The following ZZEF1 variants were observed in gnomAD, a reference collection of about 807,000 sequenced individuals.
ZZEF1 encodes zinc finger ZZ-type and EF-hand domain-containing protein 1.
Under a neutral mutation model 342.8 loss-of-function variants are expected in ZZEF1, and 157 were observed. That is an observed-to-expected ratio of 0.46 (90% CI 0.40 to 0.52). The LOEUF is 0.52. Among genes scored for constraint, ZZEF1 ranks in the 20% least tolerant of loss-of-function variants. ZZEF1 has a pLI of 0.00. For synonymous variants in ZZEF1, 1,505 were observed against 1,429.1 expected (o/e 1.05, Z -1.20); for missense variants, 3,480 against 3,725.6 (o/e 0.93, Z 1.72).
chr17:4,045,210 T>G (rs1256371938), intron 37 of ZZEF1, among the ~76,000 whole-genome samples: 5 of 152,134 alleles, frequency 3.3e-5, no homozygotes, highest in Non-Finnish European at 7.4e-5. Context: ...CAAATGTCCC[T>G]CTGTCAGAGC....
At chr17:4,083,363 C>A (rs8074860) in intron 16 of ZZEF1, among the ~76,000 whole-genome samples, 7 of 152,090 alleles carry the variant, frequency 4.6e-5, no homozygotes, top group South Asian at 2.1e-4. Context: ...AGAGACCCAC[C>A]CACAGTCCAG....
chr17:4,120,900 A>G (rs925905314), intron 2 of ZZEF1, among the ~76,000 whole-genome samples: 1 of 152,298 alleles, frequency 6.6e-6, no homozygotes, highest in Admixed American at 6.5e-5. Flanking sequence ...TGGAAAAGGT[A>G]CTGTTCTCTT....
chr17:4,122,245 A>G (rs966420708), intron 2 of ZZEF1, among the ~76,000 whole-genome samples: 10 of 152,226 alleles, frequency 6.6e-5, no homozygotes, highest in Admixed American at 2.0e-4. Flanking sequence ...AGGAAAATGT[A>G]CAAAGTTTCT....
Position 4,014,303 on chromosome 17 carries a change from A to G in ZZEF1, c.8314+44T>C, listed in dbSNP as rs2056043737. ...TCCCTTCTCAATATTAAGTTTAAAC[A>G]CTGCCTGTGAAGAACCTATCTAATC... is the stretch of plus-strand genomic sequence containing the variant. On this transcript the variant is annotated intron_variant, in intron 50 of 54. Transcript: ENST00000381638. The surrounding 1 kb of genome is among the most constrained non-coding windows in gnomAD (Gnocchi z 4.4). 1 of 1,612,816 alleles carries G rather than the reference A, an allele frequency of 6.2e-7. No individual in the cohort carries two copies. The highest frequency in any genetic ancestry group is 1.1e-5 in the South Asian group (1 of 91,018).
chr17:4,105,761 T>C lies in ZZEF1; in HGVS notation c.1326A>G (p.Thr442=). ...MPPLSLSPGS[T]DFSTFLSPNV... ...TAGGGGAGAGGAAAGTTGAGAAATC[T>C]GTAGATCCTGGTGAGAGAGAGAGTG... is the stretch of plus-strand genomic sequence containing the variant. Residue 442 remains threonine (T), a synonymous_variant, in exon 7 of 55, where the codon ACA becomes ACG. Transcript: ENST00000381638. The C allele has an allele frequency of 6.2e-7, 1 of 1,613,450 alleles. No homozygotes were observed. The highest frequency in any genetic ancestry group is 2.2e-5 in the East Asian group (1 of 44,872).
intron 42 of ZZEF1, among the ~76,000 whole-genome samples, chr17:4,031,604 A>C (rs1404704482): frequency 6.6e-6 from 1 of 152,190 alleles, no homozygotes; most frequent in Non-Finnish European, 1.5e-5. Context: ...TGCTGAGTGA[A>C]AATGCAGATG....
rs747008525 is a variant in ZZEF1, at chr17:4,043,318, G to A, written c.6167-750C>T. On this transcript the variant is annotated intron_variant, in intron 38 of 54. Transcript: ENST00000381638. ...TAAACTGCCTATGAACCAGGATGCT[G>A]ATCCTCAGGGGAATGAGACTCCAGT... 4.4e-4 allele frequency among the ~76,000 whole-genome samples: 67 copies of A among 152,220 alleles called. 1 individual carries two copies. Among genetic ancestry groups the A allele is most frequent in the Non-Finnish European group, 1.6e-4 (11 of 68,046 alleles).
At chr17:4,011,590 G>A (rs958544515) in intron 52 of ZZEF1, among the ~76,000 whole-genome samples, 1 of 151,728 alleles carries the variant, frequency 6.6e-6, no homozygotes, top group Non-Finnish European at 1.5e-5. Context: ...GGAAGGCTGT[G>A]TTTTAATTCC....
At chr17:4,039,940 A>C (rs1288890730) in intron 39 of ZZEF1, among the ~76,000 whole-genome samples, 3 of 152,184 alleles carry the variant, frequency 2.0e-5, no homozygotes, top group Non-Finnish European at 2.9e-5. Context: ...CACCGTGCCC[A>C]GCCGAGAACA....
rs754985234 is a variant in ZZEF1 at position 4,024,186 on chromosome 17, G to GTTTTTTTTTTTTTTT, written c.7092+718_7092+732dup. ...CATCTCCATGCCAAATATTGCCCAG[G>GTTTTTTTTTTTTTTT]TTTTTTTTTTTTTTTTTTTTTTTTT... On this transcript the variant is annotated intron_variant, in intron 43 of 54. Transcript: ENST00000381638. 2.5e-4 allele frequency among the ~76,000 whole-genome samples: 24 copies of GTTTTTTTTTTTTTTT among 94,428 alleles called. 6 individuals are homozygous for GTTTTTTTTTTTTTTT. The highest frequency in any genetic ancestry group is 7.3e-4 in the African/African-American group (18 of 24,778). 61.9% of individuals were successfully genotyped at this position (94,428 alleles called of 152,430 possible).
chr17:4,102,178 C>T (rs1286486637), intron 9 of ZZEF1, 139 bp downstream of exon 9: 2 of 677,626 alleles, frequency 3.0e-6, no homozygotes, highest in East Asian at 5.5e-5. Flanking sequence ...ACACAAATTG[C>T]TCAGCAACCA....
chr17:4,123,379 G>A (rs2145551126), intron 2 of ZZEF1, among the ~76,000 whole-genome samples: 1 of 145,950 alleles, frequency 6.9e-6, no homozygotes, highest in South Asian at 2.2e-4. Context: ...GGGGGTGCTG[G>A]AACATCTCCC....
At chr17:4,067,048 G>T in intron 27 of ZZEF1, 115 bp downstream of exon 27, 3 of 848,108 alleles carry the variant, frequency 3.5e-6, no homozygotes, top group Non-Finnish European at 5.4e-6. Context: ...CTAAACTTTA[G>T]CTTAACAAAA....
At chr17:4,055,954 C>T (rs1408506065) in intron 33 of ZZEF1, among the ~76,000 whole-genome samples, 1 of 152,222 alleles carries the variant, frequency 6.6e-6, no homozygotes, top group Non-Finnish European at 1.5e-5. Flanking sequence ...GCCTCGCATG[C>T]GCGGTTTATT....
intron 42 of ZZEF1, among the ~76,000 whole-genome samples, chr17:4,030,963 G>C (rs1247507170): frequency 6.6e-6 from 1 of 152,116 alleles, no homozygotes; most frequent in Non-Finnish European, 1.5e-5. Context: ...TGGATCACTT[G>C]AGGTCGGGAG....
intron 26 of ZZEF1, among the ~76,000 whole-genome samples, chr17:4,070,250 G>A (rs370183657): frequency 6.6e-5 from 10 of 152,138 alleles, no homozygotes; most frequent in African/African-American, 2.4e-4. Context: ...AAACATCTGT[G>A]GTTTTAATTG....
chr17:4,117,280 C>T (rs2058411167), intron 2 of ZZEF1, 114 bp from the exon 3 acceptor site: 4 of 749,202 alleles, frequency 5.3e-6, no homozygotes, highest in Non-Finnish European at 8.5e-6. Flanking sequence ...TAACAATCTT[C>T]ATTGATATTT....
intron 40 of ZZEF1, chr17:4,033,650 ATTCC>A (rs2056598926): frequency 3.9e-6 from 1 of 253,824 alleles, no homozygotes; most frequent in East Asian, 9.5e-5. Flanking sequence ...TGCCCAGCTT[ATTCC>A]TTCATTTCTG....
chr17:4,035,032 T>C (rs1414533289), intron 39 of ZZEF1, among the ~76,000 whole-genome samples: 1 of 152,196 alleles, frequency 6.6e-6, no homozygotes, highest in Non-Finnish European at 1.5e-5. Flanking sequence ...TGTGTATATA[T>C]ATATATTTGT....
Sources: gnomAD v4.1 joint callset for allele counts (sites outside exome capture counted in the v4.1 genomes callset) on GRCh38, gnomAD v4.1.1 for gene constraint, Gnocchi (gnomAD v3.1) non-coding constraint, MANE v1.5 for transcripts, NCBI Gene and HGNC (gene_info 2026-07-23, HGNC 2026-07-21) for gene names.